Variants in MAP4 observed in about 807,000 individuals in gnomAD.
The protein encoded by MAP4 is microtubule associated protein 4, also known as microtubule-associated protein 4.
Under a neutral mutation model 170.2 loss-of-function variants are expected in MAP4, and 76 were observed. The observed-to-expected ratio is 0.45, with a 90% confidence interval of 0.37 to 0.54. The LOEUF is 0.54. Among genes scored for constraint, MAP4 ranks in the 20% least tolerant of loss-of-function variants. The pLI is 0.00. For synonymous variants in MAP4, 909 were observed against 994.5 expected (o/e 0.91, Z 1.62); for missense variants, 2,506 against 2,748.0 (o/e 0.91, Z 1.97).
chr3:47,867,563 C>G (rs1479602625), intron 16 of MAP4, among the ~76,000 whole-genome samples: 1 of 152,244 alleles, frequency 6.6e-6, no homozygotes, highest in Admixed American at 6.5e-5. Flanking sequence ...ACGACAGGAG[C>G]AGAGCTGCGC....
At chr3:47,896,832 T>C (rs921791715) in intron 10 of MAP4, among the ~76,000 whole-genome samples, 2 of 152,112 alleles carry the variant, frequency 1.3e-5, no homozygotes, top group Non-Finnish European at 2.9e-5. Context: ...GGAAAGTAAA[T>C]AACCTATTCC....
At chr3:47,882,804 CTACTT>C (rs1006398286) in intron 10 of MAP4, among the ~76,000 whole-genome samples, 7 of 151,886 alleles carry the variant, frequency 4.6e-5, no homozygotes, top group Admixed American at 6.6e-5. Flanking sequence ...TATTTTCTCC[CTACTT>C]TAATTTTTTT....
chr3:48,046,066 T>C (rs1353929706), intron 1 of MAP4, among the ~76,000 whole-genome samples: 1 of 151,032 alleles, frequency 6.6e-6, no homozygotes, highest in Non-Finnish European at 1.5e-5. Flanking sequence ...TTCGGCTACA[T>C]ATCCAGAGTG....
intron 1 of MAP4, among the ~76,000 whole-genome samples, chr3:48,062,783 G>T (rs2100136507): frequency 6.6e-6 from 1 of 151,522 alleles, no homozygotes; most frequent in Non-Finnish European, 1.5e-5. Context: ...AATTAGCCAG[G>T]CGTGGTGGCA....
intron 10 of MAP4, among the ~76,000 whole-genome samples, chr3:47,895,355 T>C (rs1174849798): frequency 2.0e-5 from 3 of 152,230 alleles, no homozygotes; most frequent in Non-Finnish European, 1.5e-5. Flanking sequence ...GGATTCAGTT[T>C]TACCACTTTC....
At position 47,936,699 on chromosome 3, in the gene MAP4, G is replaced by A. The variant is rs146651598; in HGVS notation, c.293-8349C>T. On this transcript the variant is annotated intron_variant, in intron 3 of 20. Coordinates refer to ENST00000683076, the MANE Select transcript of MAP4 (RefSeq NM_001385682.1). ...ACAGAACTAGAAAACAGAATCAGGA[G>A]CCCAGGCACGGTGGCTGGCGCCTGT... 9.4e-3 allele frequency among the ~76,000 whole-genome samples: 1,423 copies of A among 152,120 alleles called. 11 individuals carry two copies. The highest frequency in any genetic ancestry group is 0.021 in the East Asian group (108 of 5,182).
At chr3:47,992,924 C>T (rs2154351283) in intron 2 of MAP4, among the ~76,000 whole-genome samples, 1 of 149,186 alleles carries the variant, frequency 6.7e-6, no homozygotes, top group Admixed American at 6.7e-5. Context: ...AAAAAAAGCT[C>T]ATACTAACTT....
At chr3:48,048,506 CTTTTTTTTTTTTTTTTTTTT>C (rs67709674) in intron 1 of MAP4, among the ~76,000 whole-genome samples, 1 of 66,964 alleles carries the variant, frequency 1.5e-5, no homozygotes, top group African/African-American at 6.9e-5. Context: ...TCTCAATTAT[CTTTTTTTTTTTTTTTTTTTT>C]TTTTTTTTGA....
At chr3:47,884,661 T>G (rs1271776751) in intron 10 of MAP4, among the ~76,000 whole-genome samples, 1 of 151,964 alleles carries the variant, frequency 6.6e-6, no homozygotes, top group East Asian at 1.9e-4. Flanking sequence ...AGGGGCTGAG[T>G]GATGCTGGAA....
At chr3:47,863,991 C>CA (rs1553728948) in intron 17 of MAP4, among the ~76,000 whole-genome samples, 1 of 147,764 alleles carries the variant, frequency 6.8e-6, no homozygotes, top group Non-Finnish European at 1.5e-5. Context: ...GTCCTCCTCC[C>CA]TTTTTTTTCA....
At chr3:47,992,542 C>T (rs2100092957) in intron 2 of MAP4, among the ~76,000 whole-genome samples, 1 of 152,066 alleles carries the variant, frequency 6.6e-6, no homozygotes, top group South Asian at 2.1e-4. Context: ...TGCCTCCTAC[C>T]TCAGCTTCCT....
In MAP4 at chr3:47,877,403, A is replaced by G. The variant is rs764269341; in HGVS notation, c.5541+14T>C. On this transcript the variant is annotated intron_variant, in intron 11 of 20. Transcript: ENST00000683076. ...ATTATGGCAGTAGAAGATAACCACC[A>G]TTCTGGCACCTACCTTTGTTTTCTT... The G allele has an allele frequency of 4.4e-6, 7 of 1,598,120 alleles. No individual in the cohort carries two copies. In the Admixed American group the frequency reaches 8.3e-5, roughly 19 times the overall value.
At chr3:47,969,749 C>T (rs1479070426) in intron 3 of MAP4, among the ~76,000 whole-genome samples, 17 of 152,068 alleles carry the variant, frequency 1.1e-4, no homozygotes, top group African/African-American at 4.1e-4. Context: ...TGGCACCACA[C>T]ATGTGCAAAT....
Position 47,857,407 on chromosome 3 carries a change from G to C in MAP4, c.6583+24C>G, listed in dbSNP as rs376142467. On this transcript the variant is annotated intron_variant, in intron 18 of 20. Coordinates refer to ENST00000683076, the MANE Select transcript of MAP4 (RefSeq NM_001385682.1). ...CAGGACGACATACCCTGGAGACCCA[G>C]TGGGCAAGGGAGGCACCACTCACCA... The C allele has an allele frequency of 1.1e-5, 17 of 1,604,996 alleles. No homozygotes were observed. The African/African-American group carries it at 1.7e-4, about 16-fold the overall frequency.
rs1022928006 is a variant in MAP4 at position 47,857,231 on chromosome 3, G to T, written c.6583+200C>A. On this transcript the variant is annotated intron_variant, in intron 18 of 20. Coordinates refer to ENST00000683076, the MANE Select transcript of MAP4 (RefSeq NM_001385682.1). ...ATGCCTGTGCAGATGGCTGCTGTAA[G>T]AAACTGCTCCTCCTCCACTTAGAGG... 6.6e-5 allele frequency among the ~76,000 whole-genome samples: 10 copies of T among 152,362 alleles called. No homozygotes were observed. In the Middle Eastern group the frequency reaches 0.01, roughly 155 times the overall value.
rs779533354 is a variant in MAP4 at position 47,871,962 on chromosome 3, G to A, written c.5896C>T (p.Pro1966Ser). Residue 1966 changes from proline to serine, a missense_variant, in exon 13 of 21, where the codon CCA (proline) becomes TCA (serine). Pro to Ser is a moderately conservative substitution (Grantham distance 74). Transcript: ENST00000683076. ...TTAAAVASTG[P>S]SSRSPSTLLP... ...AGCGTGGAGGGGCTCCTACTGCTTG[G>A]GCCAGTTGAGGCAACAGCAGCAGCT... The A allele has an allele frequency of 2.5e-6, 4 of 1,613,986 alleles. No individual in the cohort carries two copies. In the Admixed American group the frequency reaches 5.0e-5, roughly 20 times the overall value.
At chr3:48,074,676 T>TTTTGTGTGTGTGTGTGTG (rs746281743) in intron 1 of MAP4, among the ~76,000 whole-genome samples, 6,591 of 90,556 alleles carry the variant, frequency 0.073, 1,019 homozygotes, top group East Asian at 0.092. Context: ...ATCCAGCTAA[T>TTTTGTGTGTGTGTGTGTG]TGTGTGTGTG....
chr3:48,049,063 C>A (rs1475001242), intron 1 of MAP4, among the ~76,000 whole-genome samples: 3 of 152,168 alleles, frequency 2.0e-5, no homozygotes, highest in Admixed American at 2.0e-4. Flanking sequence ...AAGCACATTA[C>A]CCTTGTAGTC....
At chr3:47,979,910 G>A (rs568082835) in intron 2 of MAP4, among the ~76,000 whole-genome samples, 58 of 151,838 alleles carry the variant, frequency 3.8e-4, no homozygotes, top group African/African-American at 1.4e-3. Flanking sequence ...CTGGAGCCTC[G>A]ACTGCTCAGG....
Sources: allele counts gnomAD v4.1 joint callset (sites outside exome capture counted in the v4.1 genomes callset), GRCh38; gene constraint gnomAD v4.1.1; transcripts MANE v1.5; gene names NCBI Gene and HGNC (gene_info 2026-07-23, HGNC 2026-07-21).